The following WWOX variants were observed in gnomAD, a reference collection of about 807,000 sequenced individuals.
WWOX encodes WW domain-containing oxidoreductase.
WWOX carries 69 observed loss-of-function variants against 46.2 expected under a neutral mutation model. That is an observed-to-expected ratio of 1.49 (90% CI 1.23 to 1.82). WWOX has a LOEUF of 1.82. WWOX is among the 40% of genes most tolerant of loss of function. The pLI, the probability that WWOX is intolerant of heterozygous loss-of-function variation, is 0.00. For synonymous variants in WWOX, 359 were observed against 202.6 expected (o/e 1.77, Z -6.56); for missense variants, 919 against 542.6 (o/e 1.69, Z -6.89).
intron 8 of WWOX, among the ~76,000 whole-genome samples, chr16:79,047,005 C>T (rs2048077811): frequency 6.6e-6 from 1 of 152,196 alleles, no homozygotes. Context: ...AACAATAAAG[C>T]AACTGACCTT....
intron 8 of WWOX, among the ~76,000 whole-genome samples, chr16:78,731,064 A>T (rs28594729): frequency 6.6e-6 from 1 of 152,058 alleles, no homozygotes; most frequent in African/African-American, 2.4e-5. Flanking sequence ...ATTTAAGAAA[A>T]TGTTGATTTT....
At chr16:78,711,107 C>A (rs1181880730) in intron 8 of WWOX, among the ~76,000 whole-genome samples, 1 of 152,190 alleles carries the variant, frequency 6.6e-6, no homozygotes, top group Non-Finnish European at 1.5e-5. Context: ...CAACACGTTT[C>A]TTTAAAGCCT....
intron 4 of WWOX, among the ~76,000 whole-genome samples, chr16:78,143,652 C>A (rs1256177637): frequency 6.6e-6 from 1 of 151,706 alleles, no homozygotes; most frequent in African/African-American, 2.4e-5. Flanking sequence ...TTGGCAACCC[C>A]TGGTTTATTC....
At chr16:78,812,034 C>T (rs111506222) in intron 8 of WWOX, among the ~76,000 whole-genome samples, 1 of 152,066 alleles carries the variant, frequency 6.6e-6, no homozygotes, top group Non-Finnish European at 1.5e-5. Context: ...TTACCCTCAT[C>T]ATTGTTTACC....
At chr16:78,572,081 A>G (rs1313627412) in intron 8 of WWOX, among the ~76,000 whole-genome samples, 4 of 152,338 alleles carry the variant, frequency 2.6e-5, no homozygotes, top group Non-Finnish European at 5.9e-5. Flanking sequence ...GTTCCTATAA[A>G]GATGCCTTAG....
intron 8 of WWOX, among the ~76,000 whole-genome samples, chr16:78,542,394 G>T (rs1018660905): frequency 2.6e-5 from 4 of 152,172 alleles, no homozygotes; most frequent in African/African-American, 9.7e-5. Context: ...GAAGAAGACA[G>T]AGTGGTGTTG....
chr16:78,642,686 C>A (rs577604349), intron 8 of WWOX, among the ~76,000 whole-genome samples: 2 of 152,076 alleles, frequency 1.3e-5, no homozygotes, highest in South Asian at 4.1e-4. Context: ...CATGGCAGTT[C>A]CCACCTCGAC....
intron 8 of WWOX, among the ~76,000 whole-genome samples, chr16:79,123,028 G>T (rs2002640): frequency 0.48 from 73,084 of 152,004 alleles, 18,805 homozygotes; most frequent in African/African-American, 0.68. Context: ...GTGAACGCAA[G>T]GTGAGGATGG....
chr16:78,601,857 C>T (rs560181907), intron 8 of WWOX, among the ~76,000 whole-genome samples: 24 of 111,404 alleles, frequency 2.2e-4, no homozygotes, highest in African/African-American at 1.6e-3. Flanking sequence ...GATCCCTACT[C>T]GGAGTTTTTC....
chr16:78,170,574 C>G (rs1327674749), intron 5 of WWOX, among the ~76,000 whole-genome samples: 1 of 152,154 alleles, frequency 6.6e-6, no homozygotes, highest in Non-Finnish European at 1.5e-5. Context: ...GCAATGAATT[C>G]TTTTTCTGTC....
chr16:78,448,456 A>G (rs1346051065), intron 8 of WWOX, among the ~76,000 whole-genome samples: 6 of 152,100 alleles, frequency 3.9e-5, no homozygotes, highest in Admixed American at 3.3e-4. Flanking sequence ...GGCTGCATTC[A>G]AGGTGTCCAC....
At chr16:79,053,599 T>C (rs1475277171) in intron 8 of WWOX, among the ~76,000 whole-genome samples, 1 of 152,212 alleles carries the variant, frequency 6.6e-6, no homozygotes, top group Non-Finnish European at 1.5e-5. Flanking sequence ...ATATGAATAT[T>C]AATCTAATTA....
chr16:78,738,599 G>A lies in WWOX; in HGVS notation c.1056+305847G>A, dbSNP rs145745079. ...TTCAAAACAACTGCTGGATTATCTAGTCCCTGAACAGCCATTTATATTTTT... is the reference window on the plus strand; with the variant it reads ...TTCAAAACAACTGCTGGATTATCTAATCCCTGAACAGCCATTTATATTTTT... On this transcript the variant is annotated intron_variant, in intron 8 of 8. Transcript: ENST00000566780. Among the ~76,000 whole-genome samples the A allele has an allele frequency of 5.3e-5, 8 of 152,154 alleles. No individual in the cohort carries two copies. The East Asian group carries it at 1.4e-3, about 26-fold the overall frequency.
At chr16:79,028,685 C>T (rs371390186) in intron 8 of WWOX, among the ~76,000 whole-genome samples, 4 of 151,684 alleles carry the variant, frequency 2.6e-5, no homozygotes, top group African/African-American at 9.8e-5. Context: ...TACACATAAG[C>T]CCCCATGGAA....
chr16:78,544,403 C>G (rs372095621), intron 8 of WWOX, among the ~76,000 whole-genome samples: 16 of 152,264 alleles, frequency 1.1e-4, no homozygotes, highest in East Asian at 9.7e-4. Flanking sequence ...ATTAAGTAGA[C>G]ATTATCTTCA....
chr16:78,789,450 A>G (rs553196860), intron 8 of WWOX, among the ~76,000 whole-genome samples: 14 of 152,300 alleles, frequency 9.2e-5, no homozygotes, highest in East Asian at 5.8e-4. Flanking sequence ...TCAGAGATCA[A>G]TTGGCCATAA....
chr16:78,907,104 C>G (rs1468418798), intron 8 of WWOX, among the ~76,000 whole-genome samples: 2 of 152,028 alleles, frequency 1.3e-5, no homozygotes, highest in Non-Finnish European at 2.9e-5. Flanking sequence ...AATCAGCTTT[C>G]CTGAAAATTC....
rs181027641 is a variant in WWOX, at chr16:78,480,137, A to G, written c.1056+47385A>G. Reference sequence around the variant, plus strand: ...TCCAATATGGTAGCCACGTGTGACTATTAAAATGTAAATTAATTAAAATTA... The same window carrying G: ...TCCAATATGGTAGCCACGTGTGACTGTTAAAATGTAAATTAATTAAAATTA... On this transcript the variant is annotated intron_variant, in intron 8 of 8. Coordinates refer to ENST00000566780, the MANE Select transcript of WWOX (RefSeq NM_016373.4). Among the ~76,000 whole-genome samples the G allele has an allele frequency of 1.1e-4, 16 of 152,346 alleles. No individual in the cohort carries two copies. In the East Asian group the frequency reaches 2.9e-3, roughly 28 times the overall value.
At chr16:78,902,994 C>G (rs145103999) in intron 8 of WWOX, among the ~76,000 whole-genome samples, 1 of 152,102 alleles carries the variant, frequency 6.6e-6, no homozygotes, top group Admixed American at 6.5e-5. Context: ...GGAGGGTGTC[C>G]GGGTTCTTGG....
Sources: gnomAD v4.1 joint callset for allele counts (sites outside exome capture counted in the v4.1 genomes callset) on GRCh38, gnomAD v4.1.1 for gene constraint, MANE v1.5 for transcripts, NCBI Gene and HGNC (gene_info 2026-07-23, HGNC 2026-07-21) for gene names.